NEU3: variants seen among roughly 807,000 people sequenced by gnomAD.
NEU3 encodes neuraminidase 3, also known as sialidase-3.
NEU3 carries 10 observed loss-of-function variants against 11.4 expected under a neutral mutation model. That is an observed-to-expected ratio of 0.88 (90% CI 0.54 to 1.49). The LOEUF (loss-of-function observed/expected upper bound fraction) is 1.49. NEU3 is among the 40% of genes most tolerant of loss of function. The pLI, the probability that NEU3 is intolerant of heterozygous loss-of-function variation, is 0.00. For missense variants in NEU3, 529 were observed against 581.8 expected (o/e 0.91, Z 0.93); for synonymous variants, 212 against 228.2 (o/e 0.93, Z 0.64).
At chr11:75,014,577 A>G (rs1225974046), downstream of NEU3, among the ~76,000 whole-genome samples, 1 of 152,220 alleles carries the variant, frequency 6.6e-6, no homozygotes, top group Non-Finnish European at 1.5e-5. Context: ...TAGGTTTTTC[A>G]TCTGTAAAAA....
At chr11:74,983,335 G>C (rs1948650171), upstream of NEU3, among the ~76,000 whole-genome samples, 1 of 152,190 alleles carries the variant, frequency 6.6e-6, no homozygotes, top group South Asian at 2.1e-4. Context: ...GAGAGATGTA[G>C]TCTAAAAGAA....
chr11:75,004,325 G>A, intron 2 of NEU3: 1 of 670,968 alleles, frequency 1.5e-6, no homozygotes, highest in Non-Finnish European at 2.7e-6. Context: ...TTGCCATGTT[G>A]CCCAGACTGG....
the NEU3 span, among the ~76,000 whole-genome samples, chr11:74,981,820 A>G: frequency 1.3e-5 from 2 of 152,304 alleles, no homozygotes; most frequent in South Asian, 4.2e-4. Context: ...GATAAAAGAA[A>G]TTTGCTGGGA....
At chr11:75,012,433 C>T (rs993173294), downstream of NEU3, among the ~76,000 whole-genome samples, 2 of 152,188 alleles carry the variant, frequency 1.3e-5, no homozygotes, top group African/African-American at 2.4e-5. Context: ...AAGTTTAAAA[C>T]GAAAGTATGT....
chr11:75,000,332 C>A (rs1194600124), intron 2 of NEU3, among the ~76,000 whole-genome samples: 2 of 152,188 alleles, frequency 1.3e-5, no homozygotes, highest in African/African-American at 4.8e-5. Context: ...TGCACCCAAT[C>A]TTCAGAACTT....
intron 2 of NEU3, among the ~76,000 whole-genome samples, chr11:75,004,825 T>A (rs1190232408): frequency 1.3e-5 from 2 of 152,144 alleles, no homozygotes; most frequent in South Asian, 2.1e-4. Context: ...GGGAAAAAAA[T>A]TTGTCTTAAA....
intron 1 of NEU3, among the ~76,000 whole-genome samples, chr11:74,989,785 G>T (rs1948710620): frequency 6.6e-6 from 1 of 152,180 alleles, no homozygotes; most frequent in Non-Finnish European, 1.5e-5. Context: ...TTGCTAGTAA[G>T]TGTCAAAGAT....
downstream of NEU3, among the ~76,000 whole-genome samples, chr11:75,012,343 G>A (rs1186655873): frequency 6.6e-6 from 1 of 152,194 alleles, no homozygotes; most frequent in African/African-American, 2.4e-5. Context: ...CACATATGGT[G>A]TCATTTCAGA....
In NEU3 at chr11:74,994,721, G is replaced by GT. The variant is rs1948770098; in HGVS notation, c.306+2dup. The GT allele has an allele frequency of 2.5e-6, 4 of 1,613,298 alleles. No homozygotes were observed. The highest frequency in any genetic ancestry group is 1.6e-4 in the Middle Eastern group (1 of 6,082). On this transcript the variant is annotated splice_donor_variant, in intron 2 of 2. Coordinates refer to ENST00000294064, the MANE Select transcript of NEU3 (RefSeq NM_006656.6). LOFTEE classifies it high-confidence loss of function. Reference sequence around the variant, plus strand: ...GTTGAGGATTGGGCAGTTGGTACAGGTGACTCTTCATCCCAGATCTGAGTC... The same window carrying GT: ...GTTGAGGATTGGGCAGTTGGTACAGGTTGACTCTTCATCCCAGATCTGAGTC...
chr11:75,015,110 C>A (rs76030761), downstream of NEU3, among the ~76,000 whole-genome samples: 3,188 of 152,166 alleles, frequency 0.021, 129 homozygotes, highest in African/African-American at 0.073. Flanking sequence ...ACCTAACACC[C>A]AAGATGATGG....
upstream of NEU3, among the ~76,000 whole-genome samples, chr11:74,984,360 C>T (rs530892953): frequency 6.6e-6 from 1 of 152,306 alleles, no homozygotes; most frequent in East Asian, 1.9e-4. Flanking sequence ...TCCTTTAAGG[C>T]ACTTCATTAC....
chr11:74,991,238 C>T (rs1948729386), intron 1 of NEU3, among the ~76,000 whole-genome samples: 1 of 152,140 alleles, frequency 6.6e-6, no homozygotes. Flanking sequence ...GAAGTATGCT[C>T]TAGTATTGAG....
At position 75,005,957 on chromosome 11, in the gene NEU3, G is replaced by A. The variant is rs200007739; in HGVS notation, c.851G>A (p.Arg284Gln). Residue 284 changes from arginine to glutamine, a missense_variant, in exon 3 of 3, where the codon CGG (arginine) becomes CAG (glutamine). Transcript: ENST00000294064. ...AGTGCCCGGACACCAAACAGGTGCCGGGCAGAGGCGCTCAGCACTGACCAT... is the reference window on the plus strand; with the variant it reads ...AGTGCCCGGACACCAAACAGGTGCCAGGCAGAGGCGCTCAGCACTGACCAT... ...YCSARTPNRC[R>Q]AEALSTDHGE... 6.6e-5 allele frequency: 107 copies of A among 1,613,770 alleles called. 1 individual carries two copies. In the Admixed American group the frequency reaches 1.0e-3, roughly 16 times the overall value.
At position 75,005,641 on chromosome 11, in the gene NEU3, G is replaced by A. The variant is rs142331834; in HGVS notation, c.535G>A (p.Glu179Lys). ...CSWSEVRDLT[E>K]EVIGSELKHW... The stretch of plus-strand genomic sequence containing the variant: ...ATGGAGTGAGGTGAGGGACTTGACT[G>A]AGGAGGTCATTGGCTCAGAGCTGAA... Residue 179 changes from glutamate to lysine, a missense_variant, in exon 3 of 3, where the codon GAG (glutamate) becomes AAG (lysine). Transcript: ENST00000294064. 50 of 1,614,030 alleles carry A rather than the reference G, an allele frequency of 3.1e-5. No homozygotes were observed. The highest frequency in any genetic ancestry group is 1.6e-4 in the Middle Eastern group (1 of 6,062).
At chr11:74,982,004 G>A in the NEU3 span, among the ~76,000 whole-genome samples, 65 of 151,960 alleles carry the variant, frequency 4.3e-4, no homozygotes, top group African/African-American at 1.5e-3. Flanking sequence ...TAGGCAGGAG[G>A]CAGAAAAGAT....
upstream of NEU3, among the ~76,000 whole-genome samples, chr11:74,984,904 GA>G (rs1193369967): frequency 1.3e-5 from 2 of 152,156 alleles, no homozygotes; most frequent in African/African-American, 2.4e-5. Context: ...AACCATGAGT[GA>G]GGAGTTGGGC....
At chr11:74,995,809 TTA>T (rs1948784739) in intron 2 of NEU3, among the ~76,000 whole-genome samples, 1 of 151,548 alleles carries the variant, frequency 6.6e-6, no homozygotes, top group Non-Finnish European at 1.5e-5. Flanking sequence ...ATTATTATTA[TTA>T]TTATTATTTT....
chr11:75,003,396 C>T (rs932681004), intron 2 of NEU3, among the ~76,000 whole-genome samples: 1 of 152,188 alleles, frequency 6.6e-6, no homozygotes, highest in African/African-American at 2.4e-5. Context: ...ATTCTTCATT[C>T]TCTTGTTTGC....
intron 1 of NEU3, among the ~76,000 whole-genome samples, chr11:74,992,553 C>T (rs1948744314): frequency 6.6e-6 from 1 of 152,170 alleles, no homozygotes; most frequent in Admixed American, 6.5e-5. Flanking sequence ...TGGCTTGATT[C>T]CCCTTTTGGA....
Sources: allele counts gnomAD v4.1 joint callset (sites outside exome capture counted in the v4.1 genomes callset), GRCh38; gene constraint gnomAD v4.1.1; transcripts MANE v1.5; gene names NCBI Gene and HGNC (gene_info 2026-07-23, HGNC 2026-07-21).